Variants in ZSCAN5C observed in about 807,000 individuals in gnomAD.
ZSCAN5C encodes the protein zinc finger and SCAN domain-containing protein 5C.
Under a neutral mutation model 17.3 loss-of-function variants are expected in ZSCAN5C, and 11 were observed. The ratio of observed to expected loss-of-function variants is 0.64; its 90% confidence interval spans 0.40 to 1.06. The LOEUF (loss-of-function observed/expected upper bound fraction) is 1.06. Among genes scored for constraint, ZSCAN5C ranks in the 50% least tolerant of loss-of-function variants. The probability of loss-of-function intolerance (pLI) is 0.00; values close to 1 mark genes in which losing one functional copy is unlikely to be tolerated. For synonymous variants in ZSCAN5C, 229 were observed against 208.4 expected, an observed-to-expected ratio of 1.10 and a Z score of -0.85; for missense variants, 698 against 538.9, an observed-to-expected ratio of 1.30 and a Z score of -2.92.
At chr19:56,205,092 G>T (rs935013310) in intron 1 of ZSCAN5C, among the ~76,000 whole-genome samples, 3 of 151,798 alleles carry the variant, frequency 2.0e-5, no homozygotes, top group Non-Finnish European at 2.9e-5. Flanking sequence ...GGCAGGCGGT[G>T]ATCACTGATG....
chr19:56,202,743 A>G (rs112408357), intron 1 of ZSCAN5C, among the ~76,000 whole-genome samples: 2,424 of 151,920 alleles, frequency 0.016, 103 homozygotes, highest in African/African-American at 0.055. Context: ...TTTTGTACAG[A>G]TGGGGTCTCA....
chr19:56,203,534 T>A (rs958352524), intron 1 of ZSCAN5C, among the ~76,000 whole-genome samples: 2 of 151,782 alleles, frequency 1.3e-5, no homozygotes, highest in Admixed American at 6.6e-5. Context: ...TCTCTTGAAC[T>A]GATCTCTTCA....
At chr19:56,205,761 A>G (rs539595056) in intron 1 of ZSCAN5C, 26 bp from the exon 2 acceptor site, 10 of 586,172 alleles carry the variant, frequency 1.7e-5, no homozygotes, top group African/African-American at 1.7e-4. Flanking sequence ...AAACTTTAAC[A>G]GAGCTCATGC....
exon 5 of ZSCAN5C, chr19:56,208,644 C>G (rs2032952448): frequency 6.2e-7 from 1 of 1,611,536 alleles, no homozygotes. Flanking sequence ...CAAGAAGAGC[C>G]TCAAGGAGAA....
At position 56,207,049 on chromosome 19, in the gene ZSCAN5C, C is replaced by G; in HGVS notation, c.385-10C>G. The G allele has an allele frequency of 1.4e-6, 1 of 706,246 alleles. No homozygotes were observed. The allele number at this position is 706,246 out of a possible 1,614,324, so 43.7% of individuals were successfully genotyped here. On this transcript the variant is annotated splice_polypyrimidine_tract_variant and intron_variant, in intron 2 of 4. Transcript: ENST00000534327. Reference sequence around the variant, plus strand: ...CATAGTTAGTCTGATTGCTTTTTTTCTCTCTATAGTCTGTAGTCAGTTTTC... The same window carrying G: ...CATAGTTAGTCTGATTGCTTTTTTTGTCTCTATAGTCTGTAGTCAGTTTTC...
chr19:56,205,819 A>G (rs576370772), exon 2 of ZSCAN5C: 11 of 617,192 alleles, frequency 1.8e-5, no homozygotes, highest in East Asian at 8.0e-5. Flanking sequence ...TATTACTGAG[A>G]AAAACCAGGG....
Position 56,206,344 on chromosome 19 carries a change from G to C in ZSCAN5C, c.384+47G>C, listed in dbSNP as rs1008784258. On this transcript the variant is annotated intron_variant, in intron 2 of 4. Transcript: ENST00000534327. ...GGTGCAGGGAAGGGGAGCTGGGATG[G>C]GGGCTGCATGGTGCAGCTGGACTCG... 5 of 1,416,116 alleles carry C rather than the reference G, an allele frequency of 3.5e-6. No individual in the cohort carries two copies. The South Asian group carries it at 7.0e-5, about 20-fold the overall frequency. 87.7% of individuals were successfully genotyped at this position (1,416,116 alleles called of 1,614,324 possible).
downstream of ZSCAN5C, chr19:56,209,406 T>C (rs1363668003): frequency 1.4e-5 from 7 of 496,934 alleles, no homozygotes; most frequent in Non-Finnish European, 2.5e-5. Flanking sequence ...TTTAGGTTTA[T>C]TTTGGTTTGT....
intron 2 of ZSCAN5C, among the ~76,000 whole-genome samples, chr19:56,206,552 T>C (rs965543869): frequency 6.6e-6 from 1 of 152,008 alleles, no homozygotes; most frequent in South Asian, 2.1e-4. Flanking sequence ...CAGATTCCAA[T>C]ATCAGCTGTG....
exon 5 of ZSCAN5C, chr19:56,208,688 C>A (rs2032953275): frequency 6.2e-7 from 1 of 1,612,668 alleles, no homozygotes; most frequent in African/African-American, 1.3e-5. Flanking sequence ...ATCCCCGGGA[C>A]AAGCTGAGAT....
chr19:56,203,737 G>C (rs1262044271), intron 1 of ZSCAN5C, among the ~76,000 whole-genome samples: 2 of 148,072 alleles, frequency 1.4e-5, no homozygotes, highest in Non-Finnish European at 3.0e-5. Flanking sequence ...ACAACCTCTG[G>C]CTCCCGGGTT....
intron 2 of ZSCAN5C, among the ~76,000 whole-genome samples, chr19:56,206,630 T>G (rs946126915): frequency 6.6e-6 from 1 of 151,724 alleles, no homozygotes; most frequent in Non-Finnish European, 1.5e-5. Context: ...ACACACTGTG[T>G]GAGGCCAACA....
rs747428739 is a variant in ZSCAN5C, at chr19:56,208,202, C to G, written c.739+18C>G. 1.6e-5 allele frequency: 12 copies of G among 772,204 alleles called. No individual in the cohort carries two copies. Among genetic ancestry groups the G allele is most frequent in the Non-Finnish European group, 1.9e-5 (8 of 415,490 alleles). 47.8% of individuals were successfully genotyped at this position (772,204 alleles called of 1,614,324 possible). A position where few individuals can be genotyped will look rare whatever the true frequency, so the allele number is the denominator to read the frequency against. On this transcript the variant is annotated intron_variant, in intron 4 of 4. Transcript: ENST00000534327. ...CAGTCCCAGTAAGTATGAAGACTTA[C>G]ACCTGTGTGGAGATAGCCCCTCTCT...
rs903107226 is a variant in ZSCAN5C at position 56,207,749 on chromosome 19, G to A, written c.589-285G>A. On this transcript the variant is annotated intron_variant, in intron 3 of 4. Transcript: ENST00000534327. ...TGTTGATAGCATCTAGAGGGTGGAGGCGGGGTCTCTGCTCTGCACAGGAGC... is the reference window on the plus strand; with the variant it reads ...TGTTGATAGCATCTAGAGGGTGGAGACGGGGTCTCTGCTCTGCACAGGAGC... Among the ~76,000 whole-genome samples the A allele has an allele frequency of 3.3e-5, 5 of 151,732 alleles. No individual in the cohort carries two copies. The South Asian group carries it at 8.3e-4, about 25-fold the overall frequency.
rs569600970 is a variant in ZSCAN5C at position 56,207,392 on chromosome 19, A to G, written c.588+130A>G. The stretch of plus-strand genomic sequence containing the variant: ...CAGCCATTCCCCATGGACATGGTAC[A>G]TCCCCAAACATTCATTCCTGAGCCA... On this transcript the variant is annotated intron_variant, in intron 3 of 4. Coordinates refer to ENST00000534327, the Ensembl canonical transcript of ZSCAN5C. 6.4e-5 allele frequency: 37 copies of G among 576,636 alleles called. 1 individual carries two copies. The highest frequency in any genetic ancestry group is 6.0e-4 in the African/African-American group (32 of 53,240). The allele number at this position is 576,636 out of a possible 1,614,324, so 35.7% of individuals were successfully genotyped here.
In ZSCAN5C at chr19:56,208,627, C is replaced by A. The variant is rs778061517; in HGVS notation, c.918C>A (p.Ser306=). The A allele has an allele frequency of 5.0e-6, 8 of 1,609,254 alleles. No homozygotes were observed. The East Asian group carries it at 1.8e-4, about 36-fold the overall frequency. The stretch of plus-strand genomic sequence containing the variant: ...AAAGAAGCAAACCAGACGCCACCTC[C>A]ATTTCCCAAGAAGAGCCTCAAGGAG... Residue 306 remains serine (S), a synonymous_variant, in exon 5 of 5, where the codon TCC becomes TCA. Coordinates refer to ENST00000534327, the Ensembl canonical transcript of ZSCAN5C.
intron 2 of ZSCAN5C, among the ~76,000 whole-genome samples, chr19:56,206,539 T>A (rs12971737): frequency 0.24 from 36,852 of 151,272 alleles, 4,571 homozygotes; most frequent in Middle Eastern, 0.46. Context: ...ACAAATAATC[T>A]TCCAGATTCC....
intron 3 of ZSCAN5C, among the ~76,000 whole-genome samples, chr19:56,207,728 G>A (rs892968172): frequency 2.6e-5 from 4 of 151,774 alleles, no homozygotes; most frequent in South Asian, 4.2e-4. Flanking sequence ...GTGGGGTGTT[G>A]ATAGCATCTA....
At chr19:56,203,162 T>C (rs1381241773) in intron 1 of ZSCAN5C, among the ~76,000 whole-genome samples, 2 of 151,886 alleles carry the variant, frequency 1.3e-5, no homozygotes, top group Non-Finnish European at 2.9e-5. Context: ...GTTGTCAAAC[T>C]CCTGGGCTCG....
Sources: gnomAD v4.1 joint callset for allele counts (sites outside exome capture counted in the v4.1 genomes callset) on GRCh38, gnomAD v4.1.1 for gene constraint, MANE v1.5 for transcripts, NCBI Gene and HGNC (gene_info 2026-07-23, HGNC 2026-07-21) for gene names.